KIAA1549: variants seen among roughly 807,000 people sequenced by gnomAD.
KIAA1549 encodes KIAA1549.
Under a neutral mutation model 156.4 loss-of-function variants are expected in KIAA1549, and 70 were observed. The ratio of observed to expected loss-of-function variants is 0.45; its 90% confidence interval spans 0.37 to 0.55. The LOEUF (loss-of-function observed/expected upper bound fraction) is 0.55, where lower values mean the gene tolerates loss of function less well. Ranked by LOEUF, KIAA1549 falls within the 20% of genes least tolerant of loss-of-function variation. The pLI is 0.00. For synonymous variants in KIAA1549, 1,103 were observed against 1,066.4 expected (o/e 1.03, Z -0.67); for missense variants, 2,428 against 2,540.9 (o/e 0.96, Z 0.96).
At position 138,940,924 on chromosome 7, in the gene KIAA1549, C is replaced by T. The variant is rs191347873; in HGVS notation, c.188-21486G>A. Among the ~76,000 whole-genome samples, 382 of 152,164 alleles carry T rather than the reference C, an allele frequency of 2.5e-3. 3 individuals carry two copies. Among genetic ancestry groups the T allele is most frequent in the African/African-American group, 8.5e-3 (353 of 41,518 alleles). ...TAGATTCTGGATATTAGCCCTTTGTCAGATGAGTAGACTGCAAAAATTTTC... is the reference window on the plus strand; with the variant it reads ...TAGATTCTGGATATTAGCCCTTTGTTAGATGAGTAGACTGCAAAAATTTTC... On this transcript the variant is annotated intron_variant, in intron 1 of 19. Transcript: ENST00000422774.
intron 14 of KIAA1549, 77 bp from the exon 15 acceptor site, chr7:138,868,205 C>A (rs954759785): frequency 3.6e-6 from 5 of 1,390,320 alleles, no homozygotes; most frequent in African/African-American, 1.4e-5. Context: ...ACACTAAGTA[C>A]CCTGAGTACC....
chr7:138,889,202 T>C (rs2130424458), intron 10 of KIAA1549, among the ~76,000 whole-genome samples: 1 of 152,220 alleles, frequency 6.6e-6, no homozygotes, highest in East Asian at 1.9e-4. Flanking sequence ...GAGCTACAGA[T>C]GGCCTCCCCT....
intron 15 of KIAA1549, among the ~76,000 whole-genome samples, chr7:138,866,931 T>G (rs553377185): frequency 1.3e-5 from 2 of 151,828 alleles, no homozygotes; most frequent in African/African-American, 4.8e-5. Context: ...GCCTCCCAAG[T>G]AGCTGGGATT....
chr7:138,962,816 A>G (rs999133626), intron 1 of KIAA1549, among the ~76,000 whole-genome samples: 1 of 152,214 alleles, frequency 6.6e-6, no homozygotes, highest in African/African-American at 2.4e-5. Flanking sequence ...TTTGTTATGC[A>G]GCAATAGATA....
rs1169332653 is a variant in KIAA1549, at chr7:138,903,852, TGC to T, written c.3521-118_3521-117del. 8.5e-3 allele frequency: 2,425 copies of T among 284,832 alleles called. 83 individuals are homozygous for T. The highest frequency in any genetic ancestry group is 0.01 in the South Asian group (229 of 22,548). The allele number at this position is 284,832 out of a possible 1,614,324, so 17.6% of individuals were successfully genotyped here. ...GTGTGTGTGTGTGTGTGTGTGTGTG[TGC>T]GCGCGCGCGCGCGCGCACATATGTA... On this transcript the variant is annotated intron_variant, in intron 7 of 19. Transcript: ENST00000422774.
intron 1 of KIAA1549, among the ~76,000 whole-genome samples, chr7:138,928,137 G>A (rs1036859220): frequency 2.0e-5 from 3 of 151,564 alleles, no homozygotes; most frequent in African/African-American, 7.3e-5. Context: ...AAGCCAGGAT[G>A]GTCTCAATCT....
At chr7:138,934,951 G>A (rs977707681) in intron 1 of KIAA1549, among the ~76,000 whole-genome samples, 14 of 152,134 alleles carry the variant, frequency 9.2e-5, no homozygotes, top group African/African-American at 2.9e-4. Context: ...AGGGATAATG[G>A]GGCCAAAGTC....
At chr7:138,946,607 C>G (rs1160403094) in intron 1 of KIAA1549, among the ~76,000 whole-genome samples, 2 of 152,108 alleles carry the variant, frequency 1.3e-5, no homozygotes, top group African/African-American at 2.4e-5. Flanking sequence ...TGAAGAACCC[C>G]GTCTCTACCA....
chr7:138,974,612 G>T (rs907440083), intron 1 of KIAA1549, among the ~76,000 whole-genome samples: 2 of 151,586 alleles, frequency 1.3e-5, no homozygotes, highest in Non-Finnish European at 2.9e-5. Context: ...TAGTAGAGAC[G>T]AGGTTTCACT....
chr7:138,918,968 C>G lies in KIAA1549; in HGVS notation c.658G>C (p.Ala220Pro), dbSNP rs79731548. 7.8e-3 allele frequency: 12,527 copies of G among 1,614,012 alleles called. 183 individuals are homozygous for G. Among genetic ancestry groups the G allele is most frequent in the East Asian group, 0.061 (2,749 of 44,882 alleles). The change falls in exon 2 of 20, where the codon GCG (alanine) becomes CCG (proline). Residue 220 changes from alanine to proline, a missense_variant. This residue lies in a region of KIAA1549 where 893 missense variants were observed against 847.9 expected (regional missense o/e 1.05). Coordinates refer to ENST00000422774, the MANE Select transcript of KIAA1549 (RefSeq NM_001164665.2). The surrounding 1 kb of genome is among the most constrained non-coding windows in gnomAD (Gnocchi z 4.2). The stretch of plus-strand genomic sequence containing the variant: ...TGACTGGCGGACTCAGCATATGCCG[C>G]TGGTTGTCGCGTTGTGTTCTGCCAG... ...SGWQNTTRQPAAYAESASHFH... is the reference protein window; with the variant it reads ...SGWQNTTRQPPAYAESASHFH...
rs112117091 is a variant in KIAA1549, at chr7:138,872,227, A to G, written c.4346-865T>C. On this transcript the variant is annotated intron_variant, in intron 12 of 19. Coordinates refer to ENST00000422774, the MANE Select transcript of KIAA1549 (RefSeq NM_001164665.2). ...CTCCCAAAGTGCTGGGATTACAGGCAGGAGCCACCGGGCCCGGCGCTAGTT... is the reference window on the plus strand; with the variant it reads ...CTCCCAAAGTGCTGGGATTACAGGCGGGAGCCACCGGGCCCGGCGCTAGTT... Among the ~76,000 whole-genome samples, 837 of 152,248 alleles carry G rather than the reference A, an allele frequency of 5.5e-3. 10 individuals carry two copies. The highest frequency in any genetic ancestry group is 0.02 in the African/African-American group (811 of 41,554).
intron 17 of KIAA1549, among the ~76,000 whole-genome samples, chr7:138,848,550 A>G (rs1279475842): frequency 6.6e-6 from 1 of 152,190 alleles, no homozygotes; most frequent in Non-Finnish European, 1.5e-5. Flanking sequence ...TTTTGTGTCT[A>G]CTGCTGGTTA....
At chr7:138,864,457 TCTC>T (rs924179947) in intron 15 of KIAA1549, among the ~76,000 whole-genome samples, 2 of 152,134 alleles carry the variant, frequency 1.3e-5, no homozygotes, top group African/African-American at 4.8e-5. Flanking sequence ...CTTCTTGTTT[TCTC>T]CTCATTTTGC....
chr7:138,861,684 C>A (rs556898228), intron 15 of KIAA1549, among the ~76,000 whole-genome samples: 16 of 144,810 alleles, frequency 1.1e-4, no homozygotes, highest in East Asian at 4.0e-4. Flanking sequence ...AGACCCCCCC[C>A]ATCTCTAAAA....
intron 5 of KIAA1549, among the ~76,000 whole-genome samples, chr7:138,908,363 CA>C: frequency 6.6e-6 from 1 of 152,202 alleles, no homozygotes; most frequent in African/African-American, 2.4e-5. Context: ...GAACAATGAA[CA>C]AAAAGCTTAA....
At chr7:138,871,562 A>G (rs1810939519) in intron 12 of KIAA1549, among the ~76,000 whole-genome samples, 200 bp from the exon 13 acceptor site, 1 of 152,222 alleles carries the variant, frequency 6.6e-6, no homozygotes, top group Admixed American at 6.5e-5. Context: ...CTCTAACTTC[A>G]TTAAAAATTA....
intron 1 of KIAA1549, among the ~76,000 whole-genome samples, chr7:138,958,072 T>C (rs934636659): frequency 6.6e-6 from 1 of 152,242 alleles, no homozygotes; most frequent in Non-Finnish European, 1.5e-5. Flanking sequence ...GAATACATAT[T>C]TGTCTTTCCT....
chr7:138,932,265 G>C (rs940349244), intron 1 of KIAA1549, among the ~76,000 whole-genome samples: 1 of 152,228 alleles, frequency 6.6e-6, no homozygotes, highest in Non-Finnish European at 1.5e-5. Context: ...TTGCAGAGTG[G>C]CACATTCTGT....
chr7:138,921,864 CA>C (rs545692668), intron 1 of KIAA1549, among the ~76,000 whole-genome samples: 1 of 148,148 alleles, frequency 6.8e-6, no homozygotes, highest in Non-Finnish European at 1.5e-5. Flanking sequence ...GACTCCGTCT[CA>C]AAAAAAAATA....
Sources: allele counts gnomAD v4.1 joint callset (sites outside exome capture counted in the v4.1 genomes callset), GRCh38; gene constraint gnomAD v4.1.1; regional missense constraint gnomAD v4.1.1; non-coding constraint Gnocchi (gnomAD v3.1); transcripts MANE v1.5; gene names NCBI Gene and HGNC (gene_info 2026-07-23, HGNC 2026-07-21).